The following PTPRK variants were observed in gnomAD, a reference collection of about 807,000 sequenced individuals.
PTPRK encodes receptor-type tyrosine-protein phosphatase kappa.
A neutral mutation model predicts 178.0 loss-of-function variants in PTPRK; 75 were observed. The ratio of observed to expected loss-of-function variants is 0.42; its 90% confidence interval spans 0.35 to 0.51. The LOEUF (loss-of-function observed/expected upper bound fraction) is 0.51, where lower values mean the gene tolerates loss of function less well. PTPRK is among the 20% of genes least tolerant of loss of function. The pLI is 0.02. For synonymous variants in PTPRK, 637 were observed against 620.6 expected, an observed-to-expected ratio of 1.03 and a Z score of -0.39; for missense variants, 1,441 against 1,797.8, an observed-to-expected ratio of 0.80 and a Z score of 3.59.
At chr6:128,392,534 G>C (rs1336480384) in intron 2 of PTPRK, among the ~76,000 whole-genome samples, 1 of 152,126 alleles carries the variant, frequency 6.6e-6, no homozygotes, top group Non-Finnish European at 1.5e-5. Flanking sequence ...AGATCTAGGA[G>C]AGAACATATA....
At chr6:127,982,755 C>T (rs1449203720) in intron 24 of PTPRK, 76 bp downstream of exon 24, 1 of 1,348,006 alleles carries the variant, frequency 7.4e-7, no homozygotes, top group African/African-American at 1.5e-5. Flanking sequence ...ACTTGAAAGA[C>T]CTTCCTTGAA....
intron 2 of PTPRK, among the ~76,000 whole-genome samples, chr6:128,371,891 GAGA>G (rs1187113425): frequency 1.3e-4 from 19 of 144,352 alleles, no homozygotes; most frequent in Admixed American, 7.7e-4. Context: ...AAAAAAAAAA[GAGA>G]GAGAGAGAGA....
chr6:128,419,025 C>T (rs1055614358), intron 1 of PTPRK, among the ~76,000 whole-genome samples: 20 of 152,116 alleles, frequency 1.3e-4, no homozygotes, highest in Non-Finnish European at 2.5e-4. Context: ...CAGGACTTTA[C>T]GGAGAAACCT....
At chr6:128,234,129 T>C (rs1205988205) in intron 5 of PTPRK, among the ~76,000 whole-genome samples, 1 of 152,216 alleles carries the variant, frequency 6.6e-6, no homozygotes, top group East Asian at 1.9e-4. Flanking sequence ...TTATAAGGTG[T>C]TCTTAAAGCA....
intron 1 of PTPRK, among the ~76,000 whole-genome samples, chr6:128,466,885 T>A (rs1262725699): frequency 6.6e-6 from 1 of 152,110 alleles, no homozygotes; most frequent in African/African-American, 2.4e-5. Context: ...TCAGAGAGAC[T>A]GAAGTTGAGA....
At chr6:128,125,391 TCCTGCC>T (rs1793171166) in intron 7 of PTPRK, among the ~76,000 whole-genome samples, 1 of 152,060 alleles carries the variant, frequency 6.6e-6, no homozygotes, top group African/African-American at 2.4e-5. Flanking sequence ...CTGCTCCTGC[TCCTGCC>T]ATGTAAGACA....
intron 7 of PTPRK, among the ~76,000 whole-genome samples, chr6:128,102,977 C>T (rs1358876014): frequency 6.6e-6 from 1 of 152,172 alleles, no homozygotes; most frequent in Non-Finnish European, 1.5e-5. Context: ...ACACGTGGCC[C>T]TAAATGGAAA....
intron 9 of PTPRK, 121 bp from the exon 10 acceptor site, chr6:128,082,759 T>C: frequency 1.6e-6 from 1 of 637,112 alleles, no homozygotes; most frequent in Admixed American, 3.5e-5. Flanking sequence ...AATTTTTTTC[T>C]TCTTTTCTTT....
At chr6:128,434,875 A>T (rs1342754381) in intron 1 of PTPRK, among the ~76,000 whole-genome samples, 1 of 152,060 alleles carries the variant, frequency 6.6e-6, no homozygotes, top group Admixed American at 6.6e-5. Context: ...AAGAAAAAAA[A>T]AAGTTGAGCA....
chr6:128,016,409 G>A (rs751914321), intron 13 of PTPRK, among the ~76,000 whole-genome samples: 3 of 151,828 alleles, frequency 2.0e-5, no homozygotes, highest in Non-Finnish European at 4.4e-5. Context: ...GGAAAGAAAG[G>A]TGCTTTTTAT....
chr6:128,239,975 G>A (rs1814093005), intron 5 of PTPRK, 60 bp downstream of exon 5: 14 of 1,299,050 alleles, frequency 1.1e-5, no homozygotes, highest in Non-Finnish European at 1.3e-5. Flanking sequence ...AAACAGTCCT[G>A]TTGCAATGTT....
intron 7 of PTPRK, among the ~76,000 whole-genome samples, chr6:128,119,557 T>C (rs192353521): frequency 4.6e-5 from 7 of 152,188 alleles, no homozygotes; most frequent in Admixed American, 3.3e-4. Context: ...TTGCCAGTTA[T>C]TTCCAGGAAT....
chr6:128,442,265 T>C (rs150617489), intron 1 of PTPRK, among the ~76,000 whole-genome samples: 1 of 152,254 alleles, frequency 6.6e-6, no homozygotes, highest in East Asian at 1.9e-4. Context: ...GGGGCCACAG[T>C]CACCTCATTT....
chr6:128,267,728 A>G (rs182879391), intron 3 of PTPRK, among the ~76,000 whole-genome samples: 4 of 152,254 alleles, frequency 2.6e-5, no homozygotes, highest in African/African-American at 9.6e-5. Context: ...TGAAATATTG[A>G]GTACAATGTT....
intron 2 of PTPRK, among the ~76,000 whole-genome samples, chr6:128,344,216 T>A (rs1832084256): frequency 6.6e-6 from 1 of 152,140 alleles, no homozygotes; most frequent in African/African-American, 2.4e-5. Flanking sequence ...AATGACTATA[T>A]CCTGATCAAC....
At chr6:128,064,637 G>T in intron 13 of PTPRK, 121 bp downstream of exon 13, 1 of 1,270,520 alleles carries the variant, frequency 7.9e-7, no homozygotes. Flanking sequence ...ACACCCACAT[G>T]AGTCACAGAA....
intron 13 of PTPRK, among the ~76,000 whole-genome samples, chr6:128,054,936 G>C (rs969767289): frequency 1.3e-5 from 2 of 152,072 alleles, no homozygotes; most frequent in Non-Finnish European, 2.9e-5. Context: ...CTGATCCTAG[G>C]ATTCCATGTT....
chr6:128,093,254 G>T (rs575071721), intron 7 of PTPRK, among the ~76,000 whole-genome samples: 88 of 151,870 alleles, frequency 5.8e-4, no homozygotes, highest in African/African-American at 2.1e-3. Flanking sequence ...TAAAAAGAAA[G>T]AATTGGAAAA....
At chr6:128,449,202 A>AT (rs943860561) in intron 1 of PTPRK, among the ~76,000 whole-genome samples, 3 of 152,146 alleles carry the variant, frequency 2.0e-5, no homozygotes, top group Non-Finnish European at 2.9e-5. Flanking sequence ...CACTCAAGTG[A>AT]TTTTTTAAAC....
Sources: gnomAD v4.1 joint callset for allele counts (sites outside exome capture counted in the v4.1 genomes callset) on GRCh38, gnomAD v4.1.1 for gene constraint, MANE v1.5 for transcripts, NCBI Gene and HGNC (gene_info 2026-07-23, HGNC 2026-07-21) for gene names.